Variants in SHROOM4 observed in about 807,000 individuals in gnomAD.
SHROOM4 encodes the protein protein Shroom4.
Under a neutral mutation model 80.3 loss-of-function variants are expected in SHROOM4, and 17 were observed. That is an observed-to-expected ratio of 0.21 (90% confidence interval 0.14 to 0.32). The LOEUF (loss-of-function observed/expected upper bound fraction) is 0.32, where lower values mean the gene tolerates loss of function less well. Among genes scored for constraint, SHROOM4 ranks in the 10% least tolerant of loss-of-function variants. The pLI, the probability that SHROOM4 is intolerant of heterozygous loss-of-function variation, is 1.00. For missense variants in SHROOM4, 993 were observed against 1,140.3 expected (o/e 0.87, Z 1.86); for synonymous variants, 400 against 437.5 (o/e 0.91, Z 1.07).
At chrX:50,736,774 T>C (rs1934503972) in intron 1 of SHROOM4, among the ~76,000 whole-genome samples, 1 of 112,208 alleles carries the variant, frequency 8.9e-6, no homozygotes, top group Admixed American at 9.5e-5. Flanking sequence ...GTGGGATTGC[T>C]GGGTCAAATG....
chrX:50,711,716 G>A (rs1472408259), intron 1 of SHROOM4, among the ~76,000 whole-genome samples: 1 of 112,139 alleles, frequency 8.9e-6, no homozygotes, highest in Admixed American at 9.4e-5. Flanking sequence ...TAGATTAGTA[G>A]AATCTAGGTG....
intron 1 of SHROOM4, among the ~76,000 whole-genome samples, chrX:50,750,221 C>T (rs910862595): frequency 1.8e-5 from 2 of 112,102 alleles, no homozygotes; most frequent in African/African-American, 3.2e-5. Context: ...CCATGCGTTT[C>T]CAGCAGGAAG....
intron 4 of SHROOM4, among the ~76,000 whole-genome samples, chrX:50,632,836 A>G (rs1164172027): frequency 8.9e-6 from 1 of 111,989 alleles, no homozygotes; most frequent in Non-Finnish European, 1.9e-5. Flanking sequence ...TGGCTATTTT[A>G]TGACAGAAAA....
intron 2 of SHROOM4, among the ~76,000 whole-genome samples, chrX:50,683,174 ATG>A (rs1932979462): frequency 9.0e-6 from 1 of 111,044 alleles, no homozygotes; most frequent in East Asian, 2.8e-4. Flanking sequence ...CTTTATATAT[ATG>A]TGTGTGTGCA....
At chrX:50,659,331 G>C (rs12010533) in intron 2 of SHROOM4, among the ~76,000 whole-genome samples, 12,937 of 111,052 alleles carry the variant, frequency 0.12, 1,050 homozygotes, top group African/African-American at 0.29. Context: ...ATAATGCAGG[G>C]ATAGAGTAGA....
At chrX:50,719,511 C>T (rs1218814749) in intron 1 of SHROOM4, among the ~76,000 whole-genome samples, 1 of 111,769 alleles carries the variant, frequency 8.9e-6, no homozygotes, top group African/African-American at 3.3e-5. Flanking sequence ...GTTCAGTAAC[C>T]TCAACCCCTT....
At chrX:50,788,429 A>T (rs1011209411) in intron 1 of SHROOM4, among the ~76,000 whole-genome samples, 33 of 110,845 alleles carry the variant, frequency 3.0e-4, no homozygotes, top group Admixed American at 7.7e-4. Flanking sequence ...CCACGGTGAA[A>T]CCCCGTCTCT....
chrX:50,742,034 A>G (rs995649288), intron 1 of SHROOM4, among the ~76,000 whole-genome samples: 1 of 111,055 alleles, frequency 9.0e-6, no homozygotes, highest in Admixed American at 9.7e-5. Context: ...ACATATTATA[A>G]TTTTTAAGAA....
chrX:50,650,514 C>T (rs962167917), intron 2 of SHROOM4, among the ~76,000 whole-genome samples: 3 of 109,250 alleles, frequency 2.7e-5, no homozygotes, highest in African/African-American at 1.0e-4. Context: ...CCACGCCTGG[C>T]TAATTTTTTT....
chrX:50,770,631 C>T (rs530246827), intron 1 of SHROOM4, among the ~76,000 whole-genome samples: 1 of 112,165 alleles, frequency 8.9e-6, no homozygotes, highest in African/African-American at 3.2e-5. Flanking sequence ...GCAAACATCA[C>T]CCAATTCAGA....
At position 50,588,598 on chromosome X, in the gene SHROOM4, G is replaced by C. The variant is rs1928806212; in HGVS notation, c.*8097C>G. On this transcript the variant is annotated 3_prime_UTR_variant, in exon 9 of 9. Coordinates refer to ENST00000376020, the MANE Select transcript of SHROOM4 (RefSeq NM_020717.5). ...CAGGCTTGGAACTGCCTCTGTAAGA[G>C]AAGGATTACTATCCTCATTATTTGC... Among the ~76,000 whole-genome samples the C allele has an allele frequency of 8.9e-6, 1 of 111,851 alleles. No individual in the cohort carries two copies. The highest frequency in any genetic ancestry group is 3.3e-5 in the African/African-American group (1 of 30,754).
chrX:50,768,399 G>T (rs192921979), intron 1 of SHROOM4, among the ~76,000 whole-genome samples: 23 of 112,008 alleles, frequency 2.1e-4, no homozygotes, highest in African/African-American at 6.8e-4. Flanking sequence ...ACACTCAGAA[G>T]AAATTTAAGC....
At chrX:50,671,096 A>G (rs1490897277) in intron 2 of SHROOM4, among the ~76,000 whole-genome samples, 2 of 111,810 alleles carry the variant, frequency 1.8e-5, no homozygotes, top group African/African-American at 3.3e-5. Context: ...ATGAGCAGTA[A>G]TATTTGAAAG....
chrX:50,709,056 G>T (rs1463089092), intron 1 of SHROOM4, among the ~76,000 whole-genome samples: 5 of 111,028 alleles, frequency 4.5e-5, no homozygotes, highest in Non-Finnish European at 9.4e-5. Context: ...AGGGGTGGGG[G>T]ACGGAGGAAA....
At chrX:50,654,786 A>G (rs1557259305) in intron 2 of SHROOM4, among the ~76,000 whole-genome samples, 1 of 109,127 alleles carries the variant, frequency 9.2e-6, no homozygotes, top group Non-Finnish European at 1.9e-5. Flanking sequence ...TTTTTAATAT[A>G]ATTTCAACCT....
In SHROOM4 at chrX:50,695,908, G is replaced by A. The variant is rs2147456364; in HGVS notation, c.147C>T (p.Ser49=). ...KIEDGGKAAL[S]QKMRTGDELV... is the part of the protein sequence containing the mutation. Reference sequence around the variant, plus strand: ...GCTCATCACCAGTCCTCATCTTCTGGGACAAAGCTGCCTTGCCTCCATCTT... The same window carrying A: ...GCTCATCACCAGTCCTCATCTTCTGAGACAAAGCTGCCTTGCCTCCATCTT... The change falls in exon 2 of 9, where the codon TCC becomes TCT. Residue 49 remains serine, a synonymous_variant. Transcript: ENST00000376020. 8.3e-7 allele frequency: 1 copy of A among 1,211,575 alleles called. No homozygotes were observed. The highest frequency in any genetic ancestry group is 3.0e-5 in the East Asian group (1 of 33,810).
rs995851829 is a variant in SHROOM4, at chrX:50,592,526, C to T, written c.*4169G>A. ...CCAAAGCTGGACTCTTTCTACTCTA[C>T]CACAATGGATATCTTGAGTAGAAGG... On this transcript the variant is annotated 3_prime_UTR_variant, in exon 9 of 9. Transcript: ENST00000376020. 1 of 180,045 alleles carries T rather than the reference C, an allele frequency of 5.6e-6. No individual in the cohort carries two copies. Among genetic ancestry groups the T allele is most frequent in the African/African-American group, 3.1e-5 (1 of 32,702 alleles). 14.8% of individuals were successfully genotyped at this position (180,045 alleles called of 1,213,427 possible). A position where few individuals can be genotyped will look rare whatever the true frequency, so the allele number is the denominator to read the frequency against.
chrX:50,791,581 T>TC (rs1935853137), intron 1 of SHROOM4, among the ~76,000 whole-genome samples: 1 of 92,310 alleles, frequency 1.1e-5, no homozygotes, highest in Non-Finnish European at 2.1e-5. Context: ...GCCTGACTTT[T>TC]TTTTTTTTTT....
rs782399103 is a variant in SHROOM4 at position 50,607,480 on chromosome X, C to A, written c.3662G>T (p.Gly1221Val). 1 of 1,211,498 alleles carries A rather than the reference C, an allele frequency of 8.3e-7. No homozygotes were observed. ...CTGCTCAGGTTGAGATCCCAAGTGA[C>A]CCCTTATTGGAGGCAAGAAATCACT... is the stretch of plus-strand genomic sequence containing the variant. ...HSSDFLPPIR[G>V]HLGSQPEQAQ... The change falls in exon 6 of 9, where the codon GGT (glycine) becomes GTT (valine). Residue 1221 changes from glycine (G) to valine (V), a missense_variant. Transcript: ENST00000376020.
Sources: allele counts gnomAD v4.1 joint callset (sites outside exome capture counted in the v4.1 genomes callset), GRCh38; gene constraint gnomAD v4.1.1; transcripts MANE v1.5; gene names NCBI Gene and HGNC (gene_info 2026-07-23, HGNC 2026-07-21).